The following LIN28B variants were observed in gnomAD, a reference collection of about 807,000 sequenced individuals.
LIN28B encodes the protein protein lin-28 homolog B.
LIN28B carries 5 observed loss-of-function variants against 21.9 expected under a neutral mutation model. That is an observed-to-expected ratio of 0.23 (90% CI 0.12 to 0.48). LIN28B has a LOEUF of 0.48. Among genes scored for constraint, LIN28B ranks in the 20% least tolerant of loss-of-function variants. The pLI is 0.98. For missense variants in LIN28B, 245 were observed against 310.5 expected (o/e 0.79, Z 1.58); for synonymous variants, 109 against 111.3 (o/e 0.98, Z 0.13).
intron 2 of LIN28B, among the ~76,000 whole-genome samples, chr6:104,997,516 T>C (rs1298624538): frequency 2.0e-5 from 3 of 151,618 alleles, no homozygotes; most frequent in Non-Finnish European, 4.4e-5. Context: ...CAATATAATA[T>C]AGTACCAACA....
intron 2 of LIN28B, among the ~76,000 whole-genome samples, chr6:104,959,690 A>G (rs1440334861): frequency 2.6e-5 from 4 of 152,204 alleles, no homozygotes; most frequent in African/African-American, 9.6e-5. Flanking sequence ...TTCCTATTTT[A>G]TAGTGCAAAA....
chr6:104,994,385 A>C (rs1414180650), intron 2 of LIN28B, among the ~76,000 whole-genome samples: 2 of 152,246 alleles, frequency 1.3e-5, no homozygotes, highest in Non-Finnish European at 2.9e-5. Context: ...AAGAATTAGC[A>C]AATCAGTTAT....
At chr6:105,073,396 T>A (rs1164654308) in intron 3 of LIN28B, among the ~76,000 whole-genome samples, 3 of 152,148 alleles carry the variant, frequency 2.0e-5, no homozygotes, top group Non-Finnish European at 4.4e-5. Context: ...ACTTTATTAA[T>A]CCTTTTTTTA....
intron 2 of LIN28B, among the ~76,000 whole-genome samples, chr6:105,021,871 G>GT (rs1771148041): frequency 6.6e-6 from 1 of 152,088 alleles, no homozygotes; most frequent in South Asian, 2.1e-4. Context: ...GTCTTACCAA[G>GT]TAAGATTTTA....
intron 2 of LIN28B, among the ~76,000 whole-genome samples, chr6:104,968,191 A>G (rs1769902521): frequency 6.6e-6 from 1 of 152,156 alleles, no homozygotes. Flanking sequence ...TTTTCCAGTT[A>G]ATTCTCATTG....
chr6:104,944,031 C>T (rs1778128416), intron 2 of LIN28B, among the ~76,000 whole-genome samples: 2 of 152,128 alleles, frequency 1.3e-5, no homozygotes, highest in East Asian at 1.9e-4. Context: ...ATATTGGTCC[C>T]TGCTAAATCT....
intron 2 of LIN28B, among the ~76,000 whole-genome samples, chr6:104,991,383 G>T (rs1200109043): frequency 6.6e-6 from 1 of 151,414 alleles, no homozygotes; most frequent in Non-Finnish European, 1.5e-5. Flanking sequence ...CGGGGTCGCG[G>T]CCGGGCAGAG....
intron 2 of LIN28B, among the ~76,000 whole-genome samples, chr6:105,024,829 G>GGACTT (rs1182569005): frequency 6.6e-6 from 1 of 152,098 alleles, no homozygotes; most frequent in African/African-American, 2.4e-5. Context: ...TTAGAGTCAT[G>GGACTT]GACTTGGAGA....
intron 2 of LIN28B, among the ~76,000 whole-genome samples, chr6:104,961,028 G>T (rs1769728770): frequency 6.6e-6 from 1 of 152,136 alleles, no homozygotes; most frequent in African/African-American, 2.4e-5. Context: ...TCTGCTATTT[G>T]AGGATGGTAT....
At chr6:105,066,561 C>T (rs951759026) in intron 3 of LIN28B, among the ~76,000 whole-genome samples, 2 of 152,094 alleles carry the variant, frequency 1.3e-5, no homozygotes, top group African/African-American at 4.8e-5. Context: ...CTCATGTTCT[C>T]TCTTCCTTCT....
chr6:105,006,416 A>G (rs1303588082), intron 2 of LIN28B, among the ~76,000 whole-genome samples: 2 of 152,072 alleles, frequency 1.3e-5, no homozygotes, highest in Non-Finnish European at 2.9e-5. Flanking sequence ...GGTTCAAGCA[A>G]TTCTCCTGTC....
chr6:105,024,502 GA>G (rs1771246493), intron 2 of LIN28B, among the ~76,000 whole-genome samples: 2 of 152,016 alleles, frequency 1.3e-5, no homozygotes, highest in African/African-American at 4.8e-5. Context: ...GAAAGCTTAG[GA>G]AAAAATGAGA....
chr6:104,961,459 G>A (rs752716242), intron 2 of LIN28B, among the ~76,000 whole-genome samples: 1 of 151,982 alleles, frequency 6.6e-6, no homozygotes, highest in Non-Finnish European at 1.5e-5. Flanking sequence ...GGAGTGCAGT[G>A]GTGAGATCTC....
chr6:104,965,158 A>T (rs561653579), intron 2 of LIN28B, among the ~76,000 whole-genome samples: 125 of 152,342 alleles, frequency 8.2e-4, no homozygotes, highest in Non-Finnish European at 1.6e-3. Context: ...GTATATTAAT[A>T]GTTTAATTTC....
chr6:105,033,449 C>T (rs1771464867), intron 3 of LIN28B, among the ~76,000 whole-genome samples: 1 of 151,942 alleles, frequency 6.6e-6, no homozygotes, highest in Non-Finnish European at 1.5e-5. Context: ...TATTAGTAGA[C>T]TGTTTATAAA....
chr6:104,940,911 C>G (rs1778078571), intron 2 of LIN28B: 1 of 152,740 alleles, frequency 6.5e-6, no homozygotes, highest in Admixed American at 6.5e-5. Flanking sequence ...GACTCCAGGC[C>G]CCTTCCTCCG....
rs1324335291 is a variant in LIN28B at position 105,080,065 on chromosome 6, ATGCTTATTC to A, written c.*1285_*1293del. 6.6e-6 allele frequency: 1 copy of A among 152,264 alleles called. No homozygotes were observed. Among genetic ancestry groups the A allele is most frequent in the East Asian group, 1.9e-4 (1 of 5,188 alleles). The allele number at this position is 152,264 out of a possible 1,614,324, so 9.4% of individuals were successfully genotyped here. Reference sequence around the variant, plus strand: ...TTTGATCTTATGGAAGTGACCTTCAATGCTTATTCTGAAGTAACCTATATGGTGGATACA... The same window carrying A: ...TTTGATCTTATGGAAGTGACCTTCAATGAAGTAACCTATATGGTGGATACA... On this transcript the variant is annotated 3_prime_UTR_variant, in exon 4 of 4. Transcript: ENST00000345080.
At chr6:104,954,574 T>C (rs1778261097), upstream of LIN28B, among the ~76,000 whole-genome samples, 1 of 152,162 alleles carries the variant, frequency 6.6e-6, no homozygotes, top group African/African-American at 2.4e-5. Context: ...AATGCATTTG[T>C]CTTAAATTCT....
chr6:105,018,368 G>A (rs1771070664), intron 2 of LIN28B, among the ~76,000 whole-genome samples: 1 of 152,072 alleles, frequency 6.6e-6, no homozygotes, highest in Non-Finnish European at 1.5e-5. Context: ...ACTTCACAAT[G>A]ATACACTTAA....
Sources: gnomAD v4.1 joint callset for allele counts (sites outside exome capture counted in the v4.1 genomes callset) on GRCh38, gnomAD v4.1.1 for gene constraint, MANE v1.5 for transcripts, NCBI Gene and HGNC (gene_info 2026-07-23, HGNC 2026-07-21) for gene names.